Variants in HMGA2 observed in about 807,000 individuals in gnomAD.
HMGA2 encodes high mobility group AT-hook 2, also known as high mobility group protein HMGI-C.
HMGA2 carries 8 observed loss-of-function variants against 19.1 expected under a neutral mutation model. The observed-to-expected ratio is 0.42, with a 90% CI of 0.25 to 0.76. The LOEUF (loss-of-function observed/expected upper bound fraction) is 0.76, where lower values mean the gene tolerates loss of function less well. Ranked by LOEUF, HMGA2 falls within the 30% of genes least tolerant of loss-of-function variation. HMGA2 has a pLI of 0.28. For synonymous variants in HMGA2, 60 were observed against 48.8 expected (o/e 1.23, Z -0.96); for missense variants, 109 against 136.3 (o/e 0.80, Z 1.00).
chr12:65,952,179 TG>T (rs1876480640), intron 4 of HMGA2: 4 of 554,300 alleles, frequency 7.2e-6, no homozygotes, highest in African/African-American at 5.6e-5. Context: ...TCTTCCCTTC[TG>T]TATGTAAATA....
intron 3 of HMGA2, among the ~76,000 whole-genome samples, chr12:65,854,376 G>T (rs1565708946): frequency 6.6e-6 from 1 of 152,102 alleles, no homozygotes; most frequent in Admixed American, 6.5e-5. Context: ...TGTGGGCTTT[G>T]ACCAGTTTTC....
intron 4 of HMGA2, chr12:65,958,256 A>G (rs1276822232): frequency 1.3e-5 from 2 of 152,360 alleles, no homozygotes; most frequent in South Asian, 2.1e-4. Flanking sequence ...TTTTATATAC[A>G]TAATGCAAAA....
chr12:65,964,300 A>T lies in HMGA2; in HGVS notation c.*1008A>T. 6.7e-6 allele frequency: 1 copy of T among 148,570 alleles called. No individual in the cohort carries two copies. Among genetic ancestry groups the T allele is most frequent in the Non-Finnish European group, 1.5e-5 (1 of 67,362 alleles). The allele number at this position is 148,570 out of a possible 1,614,324, so 9.2% of individuals were successfully genotyped here. ...TCAATTTAAAAAGCAAAAAAAAAAAAGGGGGGGGCAATCTCTCTCTGTGTC... is the reference window on the plus strand; with the variant it reads ...TCAATTTAAAAAGCAAAAAAAAAAATGGGGGGGGCAATCTCTCTCTGTGTC... On this transcript the variant is annotated 3_prime_UTR_variant, in exon 5 of 5. Transcript: ENST00000403681.
intron 3 of HMGA2, among the ~76,000 whole-genome samples, chr12:65,884,040 GT>G (rs1198789928): frequency 6.6e-6 from 1 of 152,058 alleles, no homozygotes; most frequent in Non-Finnish European, 1.5e-5. Context: ...TAATTTTTGT[GT>G]TTTTAGTAGA....
chr12:65,862,941 T>G (rs1470413774), intron 3 of HMGA2, among the ~76,000 whole-genome samples: 1 of 152,188 alleles, frequency 6.6e-6, no homozygotes, highest in Non-Finnish European at 1.5e-5. Flanking sequence ...ACCACATCCT[T>G]CTCCAGCTGT....
At chr12:65,897,964 CA>C (rs200954951) in intron 3 of HMGA2, among the ~76,000 whole-genome samples, 13,248 of 111,784 alleles carry the variant, frequency 0.12, 929 homozygotes, top group African/African-American at 0.24. Flanking sequence ...AACTCCATCT[CA>C]AAAAAAAAAA....
At chr12:65,907,118 T>C (rs988798007) in intron 3 of HMGA2, among the ~76,000 whole-genome samples, 2 of 152,026 alleles carry the variant, frequency 1.3e-5, no homozygotes, top group African/African-American at 4.8e-5. Flanking sequence ...AAGGGGTTGC[T>C]GGGTGCGGTG....
At chr12:65,926,016 A>G (rs926259621) in intron 3 of HMGA2, among the ~76,000 whole-genome samples, 3 of 152,208 alleles carry the variant, frequency 2.0e-5, no homozygotes, top group East Asian at 3.8e-4. Context: ...ACAGAAGATA[A>G]TATATTACCA....
chr12:65,916,771 G>A (rs767157335), intron 3 of HMGA2, among the ~76,000 whole-genome samples: 2 of 152,162 alleles, frequency 1.3e-5, no homozygotes, highest in Non-Finnish European at 2.9e-5. Flanking sequence ...AAATAATAGA[G>A]AGAAAGAGTT....
intron 3 of HMGA2, among the ~76,000 whole-genome samples, chr12:65,895,764 G>A (rs1461947210): frequency 2.0e-5 from 3 of 152,128 alleles, no homozygotes; most frequent in African/African-American, 7.2e-5. Context: ...CTGGTTGGTT[G>A]TATGCATATT....
chr12:65,938,726 G>T (rs1476403938), intron 3 of HMGA2, among the ~76,000 whole-genome samples: 2 of 152,010 alleles, frequency 1.3e-5, no homozygotes, highest in African/African-American at 4.8e-5. Flanking sequence ...ACAGCTCATG[G>T]CAGCCTCGAC....
chr12:65,920,898 G>A (rs1045746572), intron 3 of HMGA2, among the ~76,000 whole-genome samples: 53 of 152,172 alleles, frequency 3.5e-4, no homozygotes, highest in African/African-American at 1.3e-3. Context: ...CTTTGGAACT[G>A]GGCAACAAGC....
chr12:65,905,734 TAAAC>T (rs1787912144), intron 3 of HMGA2, among the ~76,000 whole-genome samples: 1 of 152,210 alleles, frequency 6.6e-6, no homozygotes, highest in Admixed American at 6.5e-5. Context: ...CATATATTCT[TAAAC>T]TAATACATTC....
At position 65,929,207 on chromosome 12, in the gene HMGA2, C is replaced by A. The variant is rs144796235; in HGVS notation, c.250-22176C>A. Among the ~76,000 whole-genome samples the A allele has an allele frequency of 4.3e-3, 649 of 152,218 alleles. 8 individuals are homozygous for A. Among genetic ancestry groups the A allele is most frequent in the Non-Finnish European group, 3.5e-3 (235 of 68,018 alleles). ...CTGGCCAAAGTTTGTCAAACCATTT[C>A]TCTGAGTAACAAGACTTCCTCATGT... On this transcript the variant is annotated intron_variant, in intron 3 of 4. Coordinates refer to ENST00000403681, the MANE Select transcript of HMGA2 (RefSeq NM_003483.6).
intron 3 of HMGA2, among the ~76,000 whole-genome samples, chr12:65,852,746 G>A (rs541584523): frequency 3.9e-5 from 6 of 152,250 alleles, no homozygotes; most frequent in Non-Finnish European, 8.8e-5. Context: ...AACATGAAAG[G>A]TATTGGGTTC....
chr12:65,828,138 G>T, intron 2 of HMGA2, 51 bp downstream of exon 2: 1 of 1,335,866 alleles, frequency 7.5e-7, no homozygotes, highest in Non-Finnish European at 1.1e-6. Context: ...ACTGACTACA[G>T]GAGCCTGCCT....
At chr12:65,881,954 C>T (rs550549265) in intron 3 of HMGA2, 5 of 700,124 alleles carry the variant, frequency 7.1e-6, no homozygotes, top group Admixed American at 6.0e-5. Flanking sequence ...GCGGGGGTTC[C>T]TCCGTAGCCT....
At chr12:65,955,985 G>A (rs956521899) in intron 4 of HMGA2, 1 of 152,156 alleles carries the variant, frequency 6.6e-6, no homozygotes, top group Non-Finnish European at 1.5e-5. Context: ...TCAGCATCTC[G>A]TTCTCAAAGA....
rs1198694786 is a variant in HMGA2 at position 65,825,419 on chromosome 12, C to G, written c.111+38C>G. 7.0e-7 allele frequency: 1 copy of G among 1,420,532 alleles called. No homozygotes were observed. The highest frequency in any genetic ancestry group is 9.4e-7 in the Non-Finnish European group (1 of 1,063,306). 88.0% of individuals were successfully genotyped at this position (1,420,532 alleles called of 1,614,324 possible). On this transcript the variant is annotated intron_variant, in intron 1 of 4. Transcript: ENST00000403681. This position sits in a 1 kb window ranked among gnomAD's most constrained non-coding sequence, Gnocchi z 4.4. ...GCGCGGTGGGGGCACCAGCCCACCC[C>G]GTCCCCACTGCCGGGGCCCAGACAC...
Sources: gnomAD v4.1 joint callset for allele counts (sites outside exome capture counted in the v4.1 genomes callset) on GRCh38, gnomAD v4.1.1 for gene constraint, Gnocchi (gnomAD v3.1) non-coding constraint, MANE v1.5 for transcripts, NCBI Gene and HGNC (gene_info 2026-07-23, HGNC 2026-07-21) for gene names.